NCOA2: variants seen among roughly 807,000 people sequenced by gnomAD.
NCOA2 encodes nuclear receptor coactivator 2, also known as class E basic helix-loop-helix protein 75.
Under a neutral mutation model 145.1 loss-of-function variants are expected in NCOA2, and 21 were observed. The ratio of observed to expected loss-of-function variants is 0.14; its 90% CI spans 0.10 to 0.21. The LOEUF (loss-of-function observed/expected upper bound fraction) is 0.21. Ranked by LOEUF, NCOA2 falls within the 10% of genes least tolerant of loss-of-function variation. The pLI is 1.00. For synonymous variants in NCOA2, 619 were observed against 637.5 expected (o/e 0.97, Z 0.44); for missense variants, 1,472 against 1,837.6 (o/e 0.80, Z 3.64).
chr8:70,319,652 G>A (rs1162752712), intron 1 of NCOA2, among the ~76,000 whole-genome samples: 1 of 152,044 alleles, frequency 6.6e-6, no homozygotes, highest in African/African-American at 2.4e-5. Flanking sequence ...TTTTACTTCA[G>A]GTGATCTGAG....
At chr8:70,447,682 C>CTTTTTTTTTTT in the NCOA2 span, among the ~76,000 whole-genome samples, 21 of 113,060 alleles carry the variant, frequency 1.9e-4, 1 homozygote, top group African/African-American at 4.4e-4. Flanking sequence ...TCTTTGTTTT[C>CTTTTTTTTTTT]TTTTTTTTTT....
intron 2 of NCOA2, among the ~76,000 whole-genome samples, chr8:70,225,226 C>T (rs1464932629): frequency 6.6e-6 from 1 of 152,082 alleles, no homozygotes; most frequent in East Asian, 1.9e-4. Context: ...AAAATATTTA[C>T]CACATCAGAT....
At chr8:70,300,570 A>C (rs1827409226) in intron 1 of NCOA2, among the ~76,000 whole-genome samples, 1 of 152,224 alleles carries the variant, frequency 6.6e-6, no homozygotes. Flanking sequence ...CACATAAATA[A>C]GACAGCTGGC....
At chr8:70,271,519 A>T (rs1825044063) in intron 2 of NCOA2, among the ~76,000 whole-genome samples, 1 of 152,210 alleles carries the variant, frequency 6.6e-6, no homozygotes, top group South Asian at 2.1e-4. Context: ...GGGAAAAAAC[A>T]CTCAACTTTT....
At chr8:70,357,664 C>G (rs776509634) in intron 1 of NCOA2, among the ~76,000 whole-genome samples, 8 of 152,002 alleles carry the variant, frequency 5.3e-5, no homozygotes, top group Non-Finnish European at 8.8e-5. Context: ...TGGCGTGAAC[C>G]TGGGAGGCGG....
At chr8:70,301,668 A>G (rs1487418147) in intron 1 of NCOA2, among the ~76,000 whole-genome samples, 1 of 131,350 alleles carries the variant, frequency 7.6e-6, no homozygotes, top group South Asian at 2.2e-4. Flanking sequence ...AAAAAAAAAA[A>G]AAAAAAAAAA....
At position 70,372,772 on chromosome 8, in the gene NCOA2, A is replaced by G. The variant is rs1173030711; in HGVS notation, c.-77+30928T>C. On this transcript the variant is annotated intron_variant, in intron 1 of 22. Coordinates refer to ENST00000452400, the MANE Select transcript of NCOA2 (RefSeq NM_006540.4). ...AAAAAGTGCCCTCATCACCCTTTAC[A>G]GTTAATTCCCCACCACATCCCAAGC... Among the ~76,000 whole-genome samples the G allele has an allele frequency of 2.6e-5, 4 of 152,184 alleles. No individual in the cohort carries two copies. In the East Asian group the frequency reaches 5.8e-4, roughly 22 times the overall value.
intron 1 of NCOA2, among the ~76,000 whole-genome samples, chr8:70,324,829 TC>T (rs1381713750): frequency 1.3e-5 from 2 of 152,120 alleles, no homozygotes; most frequent in Non-Finnish European, 1.5e-5. Context: ...GTTCTACCTT[TC>T]CCCCTTTAAT....
chr8:70,246,812 A>G (rs1822669008), intron 2 of NCOA2, among the ~76,000 whole-genome samples: 1 of 152,114 alleles, frequency 6.6e-6, no homozygotes, highest in South Asian at 2.1e-4. Flanking sequence ...ATCATACATT[A>G]ATTTTCTTTT....
At chr8:70,125,838 C>G (rs779232356) in intron 19 of NCOA2, among the ~76,000 whole-genome samples, 28 of 152,124 alleles carry the variant, frequency 1.8e-4, no homozygotes, top group Non-Finnish European at 3.5e-4. Flanking sequence ...GGAAAGAGAA[C>G]TTTCAGCACA....
At chr8:70,442,148 A>AAAGAAAGAAAGAAAGAAAGAAAGGAAGG in the NCOA2 span, among the ~76,000 whole-genome samples, 1 of 138,350 alleles carries the variant, frequency 7.2e-6, no homozygotes, top group Non-Finnish European at 1.5e-5. Context: ...AGAAAGAAAG[A>AAAGAAAGAAAGAAAGAAAGAAAGGAAGG]AAGAAAGAAA....
intron 1 of NCOA2, among the ~76,000 whole-genome samples, chr8:70,349,757 T>C (rs993249609): frequency 6.6e-6 from 1 of 152,188 alleles, no homozygotes; most frequent in Admixed American, 6.5e-5. Flanking sequence ...ACTATTCTAT[T>C]ATGTATGTAT....
chr8:70,409,992 C>T, the NCOA2 span, among the ~76,000 whole-genome samples: 1 of 152,232 alleles, frequency 6.6e-6, no homozygotes, highest in East Asian at 1.9e-4. Context: ...GCCGGATCAC[C>T]TGAGGTCAGC....
At chr8:70,372,017 A>G (rs1438877581) in intron 1 of NCOA2, among the ~76,000 whole-genome samples, 1 of 152,190 alleles carries the variant, frequency 6.6e-6, no homozygotes, top group Admixed American at 6.5e-5. Context: ...AGTATTAGGG[A>G]AAAAATGTTA....
Position 70,154,699 on chromosome 8 carries a change from A to G in NCOA2, c.2394+1272T>C, listed in dbSNP as rs560284595. 2.6e-5 allele frequency among the ~76,000 whole-genome samples: 4 copies of G among 152,204 alleles called. No individual in the cohort carries two copies. In the East Asian group the frequency reaches 5.8e-4, roughly 22 times the overall value. ...ATTACAAGCATGAGCCACCTCACCC[A>G]GTCTGTTTTTGTTTTTTTAATAAAG... On this transcript the variant is annotated intron_variant, in intron 11 of 22. Transcript: ENST00000452400.
At chr8:70,433,210 G>T in the NCOA2 span, among the ~76,000 whole-genome samples, 1 of 152,136 alleles carries the variant, frequency 6.6e-6, no homozygotes, top group Admixed American at 6.5e-5. Flanking sequence ...GAAAGAACAT[G>T]CAAGTCTGTA....
rs1806393973 is a variant in NCOA2 at position 70,109,875 on chromosome 8, G to C, written c.*3757C>G. Reference sequence around the variant, plus strand: ...TTATTTAACATCAAATAAGCAAATAGCATCAGCAAAGCAATATTAACTTGC... The same window carrying C: ...TTATTTAACATCAAATAAGCAAATACCATCAGCAAAGCAATATTAACTTGC... On this transcript the variant is annotated 3_prime_UTR_variant, in exon 23 of 23. Transcript: ENST00000452400. 1 of 182,380 alleles carries C rather than the reference G, an allele frequency of 5.5e-6. No individual in the cohort carries two copies. Among genetic ancestry groups the C allele is most frequent in the Non-Finnish European group, 1.2e-5 (1 of 85,628 alleles). The allele number at this position is 182,380 out of a possible 1,614,324, so 11.3% of individuals were successfully genotyped here.
chr8:70,151,484 C>T (rs887008313), intron 11 of NCOA2, among the ~76,000 whole-genome samples: 3 of 152,142 alleles, frequency 2.0e-5, no homozygotes, highest in Non-Finnish European at 4.4e-5. Context: ...AATGGGGTTT[C>T]ACCATGTTGG....
chr8:70,206,302 T>C (rs1416760234), intron 4 of NCOA2, among the ~76,000 whole-genome samples: 2 of 151,414 alleles, frequency 1.3e-5, no homozygotes, highest in African/African-American at 4.9e-5. Context: ...AGCTCTGTCA[T>C]TGTGAGTCTC....
Sources: allele counts gnomAD v4.1 joint callset (sites outside exome capture counted in the v4.1 genomes callset), GRCh38; gene constraint gnomAD v4.1.1; transcripts MANE v1.5; gene names NCBI Gene and HGNC (gene_info 2026-07-23, HGNC 2026-07-21).